PRRC2B: variants seen among roughly 807,000 people sequenced by gnomAD.
PRRC2B encodes the protein proline rich coiled-coil 2B, also known as protein PRRC2B.
Under a neutral mutation model 242.3 loss-of-function variants are expected in PRRC2B, and 68 were observed. The observed-to-expected ratio is 0.28, with a 90% confidence interval of 0.23 to 0.34. The LOEUF (loss-of-function observed/expected upper bound fraction) is 0.34. Ranked by LOEUF, PRRC2B falls within the 10% of genes least tolerant of loss-of-function variation. PRRC2B has a pLI of 1.00. For synonymous variants in PRRC2B, 1,228 were observed against 1,173.6 expected (o/e 1.05, Z -0.95); for missense variants, 2,835 against 2,954.8 (o/e 0.96, Z 0.94).
chr9:131,473,368 T>C (rs1381546398), intron 14 of PRRC2B, 140 bp from the exon 15 acceptor site: 2 of 636,180 alleles, frequency 3.1e-6, no homozygotes, highest in Non-Finnish European at 5.5e-6. Context: ...TTAAGAGCCC[T>C]ATGATGTGTA....
intron 10 of PRRC2B, 85 bp from the exon 11 acceptor site, chr9:131,459,079 G>T: frequency 8.2e-7 from 1 of 1,213,106 alleles, no homozygotes; most frequent in Non-Finnish European, 1.2e-6. Flanking sequence ...CAGCTGACTT[G>T]GGAATTCTCA....
At chr9:131,444,428 G>A (rs1275136048) in intron 6 of PRRC2B, 100 bp downstream of exon 6, 14 of 1,282,390 alleles carry the variant, frequency 1.1e-5, no homozygotes, top group Admixed American at 8.6e-5. Context: ...TGGGGTCTCC[G>A]GTTCGAGCTG....
rs113467055 is a variant in PRRC2B, at chr9:131,471,149, A to G, written c.2107+166A>G. Reference sequence around the variant, plus strand: ...TAGTCACTTGCAAAGTGTAGGTACAATAATAGTTCTGTCATAAAGATTTGT... The same window carrying G: ...TAGTCACTTGCAAAGTGTAGGTACAGTAATAGTTCTGTCATAAAGATTTGT... On this transcript the variant is annotated intron_variant, in intron 14 of 31. Coordinates refer to ENST00000683519, the MANE Select transcript of PRRC2B (RefSeq NM_013318.4). Among the ~76,000 whole-genome samples, 1,044 of 152,358 alleles carry G rather than the reference A, an allele frequency of 6.9e-3. 11 individuals carry two copies. Among genetic ancestry groups the G allele is most frequent in the African/African-American group, 0.022 (904 of 41,584 alleles).
chr9:131,430,286 C>A, intron 2 of PRRC2B, 27 bp downstream of exon 2: 3 of 1,398,066 alleles, frequency 2.1e-6, no homozygotes, highest in South Asian at 1.2e-5. Context: ...AAGGCCAGTT[C>A]CTCAAACTTT....
At chr9:131,382,663 A>T in intron 1 of PRRC2B, among the ~76,000 whole-genome samples, 1 of 148,386 alleles carries the variant, frequency 6.7e-6, no homozygotes. Context: ...TTGGAGACAG[A>T]GTCTTGCTCT....
At chr9:131,412,272 C>T (rs919200543) in intron 1 of PRRC2B, among the ~76,000 whole-genome samples, 5 of 152,238 alleles carry the variant, frequency 3.3e-5, no homozygotes, top group South Asian at 4.1e-4. Flanking sequence ...TTAAAACTAC[C>T]CTGCTCTGCT....
At chr9:131,380,649 C>T (rs1043895993) in intron 1 of PRRC2B, among the ~76,000 whole-genome samples, 5 of 151,054 alleles carry the variant, frequency 3.3e-5, no homozygotes, top group Admixed American at 6.6e-5. Context: ...GAGGCTGAGG[C>T]GGGAGAATTA....
Position 131,492,359 on chromosome 9 carries a change from A to C in PRRC2B, c.6473+99A>C, listed in dbSNP as rs937723133. On this transcript the variant is annotated intron_variant, in intron 30 of 31. Transcript: ENST00000683519. ...GAATCTGGGCCCAGGGAGAGCCGCC[A>C]GAGACCTGGTCCCTCTATGGGCCAT... 1.6e-5 allele frequency: 14 copies of C among 893,062 alleles called. No homozygotes were observed. The African/African-American group carries it at 2.3e-4, about 15-fold the overall frequency. 55.3% of individuals were successfully genotyped at this position (893,062 alleles called of 1,614,324 possible). A position where few individuals can be genotyped will look rare whatever the true frequency, so the allele number is the denominator to read the frequency against.
At position 131,494,425 on chromosome 9, in the gene PRRC2B, G is replaced by A. The variant is rs552404389; in HGVS notation, c.6494G>A (p.Ser2165Asn). The A allele has an allele frequency of 1.2e-6, 2 of 1,603,308 alleles. No homozygotes were observed. Among genetic ancestry groups the A allele is most frequent in the African/African-American group, 2.7e-5 (2 of 74,882 alleles). The stretch of plus-strand genomic sequence containing the variant: ...TTCAGGCCTAGCTCTGCTAGCCCCA[G>A]TGGGAAGCCCTCTGGATCAGCAGTT... ...QTYRPSSASP[S>N]GKPSGSAVNM... is the part of the protein sequence containing the mutation. The change falls in exon 31 of 32, where the codon AGT (serine) becomes AAT (asparagine). Residue 2165 changes from serine to asparagine, a missense_variant. Ser to Asn is a conservative substitution (Grantham distance 46). Transcript: ENST00000683519. This position sits in a 1 kb window ranked among gnomAD's most constrained non-coding sequence, Gnocchi z 4.3.
At position 131,485,043 on chromosome 9, in the gene PRRC2B, T is replaced by C; in HGVS notation, c.5661T>C (p.Ser1887=). Reference sequence around the variant, plus strand: ...GCTCAGGCATCCAGCCTCCATCCTCTGTGGGTGCCTCCAGCGGGGTCAACT... The same window carrying C: ...GCTCAGGCATCCAGCCTCCATCCTCCGTGGGTGCCTCCAGCGGGGTCAACT... ...GAGSGIQPPS[S]VGASSGVNYS... is the part of the protein sequence containing the mutation. The change falls in exon 25 of 32, where the codon TCT becomes TCC. Residue 1887 remains serine, a synonymous_variant. Coordinates refer to ENST00000683519, the MANE Select transcript of PRRC2B (RefSeq NM_013318.4). 4 of 1,611,868 alleles carry C rather than the reference T, an allele frequency of 2.5e-6. No homozygotes were observed. The highest frequency in any genetic ancestry group is 3.4e-6 in the Non-Finnish European group (4 of 1,179,016).
chr9:131,400,735 T>C (rs1345061507), intron 1 of PRRC2B, among the ~76,000 whole-genome samples: 3 of 152,218 alleles, frequency 2.0e-5, no homozygotes, highest in Non-Finnish European at 4.4e-5. Context: ...CATGAGCCAC[T>C]AGGTTCTGGG....
chr9:131,482,844 G>A lies in PRRC2B; in HGVS notation c.5310G>A (p.Gly1770=), dbSNP rs1291725409. ...LQGAVVPPVN[G]VEIHVDSVLP... is the part of the protein sequence containing the mutation. ...GGGCTGTCGTCCCGCCTGTTAACGG[G>A]GTGGAGATTCACGTGGACTCCGTGC... The change falls in exon 22 of 32, where the codon GGG becomes GGA. Residue 1770 remains glycine (G), a synonymous_variant. Transcript: ENST00000683519. The surrounding 1 kb of genome is among the most constrained non-coding windows in gnomAD (Gnocchi z 5.2). The A allele has an allele frequency of 4.4e-6, 7 of 1,608,668 alleles. No individual in the cohort carries two copies. The highest frequency in any genetic ancestry group is 4.5e-5 in the East Asian group (2 of 44,672).
chr9:131,423,021 G>A (rs139204527), intron 1 of PRRC2B, among the ~76,000 whole-genome samples: 157 of 152,294 alleles, frequency 1.0e-3, no homozygotes, highest in African/African-American at 3.7e-3. Flanking sequence ...TACAGCAAGG[G>A]GGCACATAGG....
intron 9 of PRRC2B, 72 bp downstream of exon 9, chr9:131,447,876 C>CAT: frequency 6.9e-7 from 1 of 1,458,550 alleles, no homozygotes; most frequent in Non-Finnish European, 9.3e-7. Context: ...GGATGGAAAC[C>CAT]CCCTGGCACC....
chr9:131,500,113 TCTC>T lies in PRRC2B; in HGVS notation c.*4242_*4244del, dbSNP rs1944425916. 6.6e-6 allele frequency: 1 copy of T among 152,154 alleles called. No individual in the cohort carries two copies. Among genetic ancestry groups the T allele is most frequent in the South Asian group, 2.1e-4 (1 of 4,822 alleles). The allele number at this position is 152,154 out of a possible 1,614,324, so 9.4% of individuals were successfully genotyped here. A position where few individuals can be genotyped will look rare whatever the true frequency, so the allele number is the denominator to read the frequency against. Reference sequence around the variant, plus strand: ...TCCCTCCGGTTCAGTACCTATTGTTTCTCCTTTCAAATATGTGATTGTACTAGC... The same window carrying T: ...TCCCTCCGGTTCAGTACCTATTGTTTCTTTCAAATATGTGATTGTACTAGC... On this transcript the variant is annotated 3_prime_UTR_variant, in exon 32 of 32. Transcript: ENST00000683519.
intron 1 of PRRC2B, among the ~76,000 whole-genome samples, chr9:131,408,146 T>C (rs963845469): frequency 6.6e-6 from 1 of 152,240 alleles, no homozygotes; most frequent in Non-Finnish European, 1.5e-5. Context: ...GTTCTCTGCC[T>C]GTCTGGGCAT....
chr9:131,448,046 C>T, intron 9 of PRRC2B: 1 of 375,168 alleles, frequency 2.7e-6, no homozygotes, highest in Non-Finnish European at 4.7e-6. Flanking sequence ...TTGTTGTTAA[C>T]TTTTTAAAAA....
intron 1 of PRRC2B, among the ~76,000 whole-genome samples, chr9:131,405,155 G>A (rs962152319): frequency 4.6e-5 from 7 of 152,194 alleles, no homozygotes; most frequent in Admixed American, 2.0e-4. Flanking sequence ...GTTTTGGTGA[G>A]CTTGGGCAGA....
At chr9:131,493,652 T>G (rs1944254539) in intron 30 of PRRC2B, among the ~76,000 whole-genome samples, 1 of 152,240 alleles carries the variant, frequency 6.6e-6, no homozygotes, top group African/African-American at 2.4e-5. Flanking sequence ...TTGGGGAAAT[T>G]GCTATAATTG....
Sources: allele counts gnomAD v4.1 joint callset (sites outside exome capture counted in the v4.1 genomes callset), GRCh38; gene constraint gnomAD v4.1.1; non-coding constraint Gnocchi (gnomAD v3.1); transcripts MANE v1.5; gene names NCBI Gene and HGNC (gene_info 2026-07-23, HGNC 2026-07-21).